ITFG1: variants seen among roughly 807,000 people sequenced by gnomAD.
The protein encoded by ITFG1 is integrin alpha FG-GAP repeat containing 1.
A neutral mutation model predicts 81.8 loss-of-function variants in ITFG1; 34 were observed. The observed-to-expected ratio is 0.42, with a 90% CI of 0.32 to 0.55. The LOEUF (loss-of-function observed/expected upper bound fraction) is 0.55, where lower values mean the gene tolerates loss of function less well. ITFG1 is among the 20% of genes least tolerant of loss of function. The pLI is 0.17. For missense variants in ITFG1, 672 were observed against 755.4 expected (o/e 0.89, Z 1.29); for synonymous variants, 285 against 270.6 (o/e 1.05, Z -0.52).
chr16:47,338,310 A>C (rs1023531852), intron 8 of ITFG1, among the ~76,000 whole-genome samples: 5 of 152,162 alleles, frequency 3.3e-5, no homozygotes, highest in Non-Finnish European at 7.4e-5. Flanking sequence ...CGGGAGGCTG[A>C]GGCAGGAAAA....
At chr16:47,401,268 G>C (rs962264789) in intron 6 of ITFG1, among the ~76,000 whole-genome samples, 3 of 152,160 alleles carry the variant, frequency 2.0e-5, no homozygotes, top group Non-Finnish European at 4.4e-5. Flanking sequence ...ACAGCAGAAT[G>C]AAGAGGTTTT....
chr16:47,338,689 G>T (rs1394606443), intron 8 of ITFG1, among the ~76,000 whole-genome samples: 2 of 150,696 alleles, frequency 1.3e-5, no homozygotes, highest in Admixed American at 1.3e-4. Context: ...ATTTTTGTGG[G>T]TACATAGAAG....
At chr16:47,356,747 G>A (rs963971779) in intron 8 of ITFG1, among the ~76,000 whole-genome samples, 1 of 152,164 alleles carries the variant, frequency 6.6e-6, no homozygotes, top group African/African-American at 2.4e-5. Context: ...ATCAATGAAT[G>A]GGGCATTTAC....
chr16:47,225,123 A>C (rs373487487), intron 13 of ITFG1, among the ~76,000 whole-genome samples: 79 of 152,362 alleles, frequency 5.2e-4, no homozygotes, highest in African/African-American at 1.8e-3. Context: ...AACAAAACTG[A>C]AATTCTACAA....
intron 5 of ITFG1, among the ~76,000 whole-genome samples, chr16:47,439,883 G>A (rs551521695): frequency 4.6e-5 from 7 of 152,180 alleles, no homozygotes; most frequent in South Asian, 4.2e-4. Context: ...TAAAAGGCAC[G>A]GACTGGCAAA....
intron 1 of ITFG1, 47 bp from the exon 2 acceptor site, chr16:47,459,222 A>G (rs1178606703): frequency 2.4e-6 from 3 of 1,229,662 alleles, no homozygotes; most frequent in African/African-American, 1.5e-5. Context: ...TGTTGATAAG[A>G]TATCTAATCA....
At chr16:47,223,825 A>C (rs1965724237) in intron 13 of ITFG1, among the ~76,000 whole-genome samples, 1 of 152,204 alleles carries the variant, frequency 6.6e-6, no homozygotes, top group Non-Finnish European at 1.5e-5. Context: ...CAAATGTCCA[A>C]CGATGATAGA....
chr16:47,180,341 A>G (rs897400974), intron 14 of ITFG1, among the ~76,000 whole-genome samples: 1 of 151,424 alleles, frequency 6.6e-6, no homozygotes, highest in Non-Finnish European at 1.5e-5. Context: ...ACTTGAAAAT[A>G]TGGTATTATT....
At chr16:47,177,060 A>G (rs1042385529) in intron 14 of ITFG1, among the ~76,000 whole-genome samples, 1 of 152,036 alleles carries the variant, frequency 6.6e-6, no homozygotes, top group South Asian at 2.1e-4. Flanking sequence ...CCTAGGCTCA[A>G]GTGATCCTCT....
At chr16:47,304,396 G>C (rs1310347809) in intron 10 of ITFG1, among the ~76,000 whole-genome samples, 1 of 152,206 alleles carries the variant, frequency 6.6e-6, no homozygotes, top group Non-Finnish European at 1.5e-5. Flanking sequence ...GGAAACAGAA[G>C]TATAAGTGGC....
intron 14 of ITFG1, among the ~76,000 whole-genome samples, chr16:47,174,779 C>T (rs1965004113): frequency 6.6e-6 from 1 of 152,210 alleles, no homozygotes; most frequent in South Asian, 2.1e-4. Context: ...CTCTGCCTCC[C>T]AAAGTGCTGG....
intron 13 of ITFG1, among the ~76,000 whole-genome samples, chr16:47,229,861 T>C (rs1965796642): frequency 6.6e-6 from 1 of 152,246 alleles, no homozygotes; most frequent in Non-Finnish European, 1.5e-5. Flanking sequence ...TCGCCGCTCA[T>C]GTGCGGTTTC....
At chr16:47,342,946 A>G (rs1461126115) in intron 8 of ITFG1, among the ~76,000 whole-genome samples, 1 of 152,130 alleles carries the variant, frequency 6.6e-6, no homozygotes, top group Non-Finnish European at 1.5e-5. Flanking sequence ...TTTCAATGCA[A>G]TCACACTCAA....
chr16:47,445,388 A>G (rs188477048), intron 5 of ITFG1, among the ~76,000 whole-genome samples: 3 of 152,286 alleles, frequency 2.0e-5, no homozygotes, highest in Non-Finnish European at 4.4e-5. Context: ...AGTTATAGTG[A>G]AAACAGGTAC....
chr16:47,185,850 G>GAT (rs1210549062), intron 14 of ITFG1, among the ~76,000 whole-genome samples: 2 of 152,082 alleles, frequency 1.3e-5, no homozygotes, highest in African/African-American at 4.8e-5. Flanking sequence ...CAACAAAACT[G>GAT]ATAGACCGCT....
At chr16:47,183,344 AAGAC>A (rs1231036619) in intron 14 of ITFG1, among the ~76,000 whole-genome samples, 1 of 152,122 alleles carries the variant, frequency 6.6e-6, no homozygotes, top group African/African-American at 2.4e-5. Context: ...GACAAACAAA[AAGAC>A]AGCAGTAACC....
Position 47,453,876 on chromosome 16 carries a change from G to C in ITFG1, c.427+137C>G, listed in dbSNP as rs980928594. 29 of 636,102 alleles carry C rather than the reference G, an allele frequency of 4.6e-5. No individual in the cohort carries two copies. In the Admixed American group the frequency reaches 7.1e-4, roughly 16 times the overall value. 39.4% of individuals were successfully genotyped at this position (636,102 alleles called of 1,614,324 possible). A position where few individuals can be genotyped will look rare whatever the true frequency, so the allele number is the denominator to read the frequency against. On this transcript the variant is annotated intron_variant, in intron 3 of 17. Coordinates refer to ENST00000320640, the MANE Select transcript of ITFG1 (RefSeq NM_030790.5). ...TTCAGGGTTGAAAAAGAAAAATCAG[G>C]AAATAAACTTTGAAAAAAGGTTTTA...
At chr16:47,322,904 A>G (rs1182241981) in intron 8 of ITFG1, among the ~76,000 whole-genome samples, 4 of 152,196 alleles carry the variant, frequency 2.6e-5, no homozygotes, top group Non-Finnish European at 4.4e-5. Context: ...GCCATCAGAA[A>G]GGACATTCAG....
chr16:47,460,940 T>C lies in ITFG1; in HGVS notation c.106A>G (p.Asn36Asp), dbSNP rs1434383336. The change falls in exon 1 of 18, where the codon AAC becomes GAC. Residue 36 changes from asparagine to aspartate, a missense_variant. By Grantham distance (23) the Asn-to-Asp change is conservative. Around this residue, in one of 3 missense-constraint regions of ITFG1, gnomAD observed 560 missense variants for 625.7 expected, o/e 0.90. Coordinates refer to ENST00000320640, the MANE Select transcript of ITFG1 (RefSeq NM_030790.5). ...VGPVPARALH[N>D]VTAELFGAEA... Reference sequence around the variant, plus strand: ...GCCCCAAAGAGCTCGGCCGTGACGTTGTGCAGCGCCCGCGCTGGGACCGGC... The same window carrying C: ...GCCCCAAAGAGCTCGGCCGTGACGTCGTGCAGCGCCCGCGCTGGGACCGGC... 5 of 1,611,708 alleles carry C rather than the reference T, an allele frequency of 3.1e-6. No homozygotes were observed. Among genetic ancestry groups the C allele is most frequent in the Middle Eastern group, 3.3e-4 (2 of 6,026 alleles).
Sources: allele counts gnomAD v4.1 joint callset (sites outside exome capture counted in the v4.1 genomes callset), GRCh38; gene constraint gnomAD v4.1.1; regional missense constraint gnomAD v4.1.1; transcripts MANE v1.5; gene names NCBI Gene and HGNC (gene_info 2026-07-23, HGNC 2026-07-21).